The following FNDC3B variants were observed in gnomAD, a reference collection of about 807,000 sequenced individuals.
The protein encoded by FNDC3B is fibronectin type III domain-containing protein 3B.
Under a neutral mutation model 151.5 loss-of-function variants are expected in FNDC3B, and 12 were observed. The observed-to-expected ratio is 0.08, with a 90% CI of 0.05 to 0.13. The LOEUF (loss-of-function observed/expected upper bound fraction) is 0.13. FNDC3B is among the 10% of genes least tolerant of loss of function. The pLI, the probability that FNDC3B is intolerant of heterozygous loss-of-function variation, is 1.00. For synonymous variants in FNDC3B, 528 were observed against 549.0 expected (o/e 0.96, Z 0.54); for missense variants, 1,214 against 1,505.3 (o/e 0.81, Z 3.20).
At chr3:172,157,566 A>G (rs1489982202) in intron 3 of FNDC3B, among the ~76,000 whole-genome samples, 1 of 152,192 alleles carries the variant, frequency 6.6e-6, no homozygotes, top group Non-Finnish European at 1.5e-5. Flanking sequence ...TCTTCCTGCT[A>G]TCCCTAACTC....
chr3:172,167,360 C>T (rs551425882), intron 3 of FNDC3B, among the ~76,000 whole-genome samples: 2 of 152,306 alleles, frequency 1.3e-5, no homozygotes, highest in Admixed American at 6.5e-5. Context: ...GGCACCACTG[C>T]GCTCCAGCCT....
At chr3:172,226,234 G>A (rs1460237206) in intron 3 of FNDC3B, among the ~76,000 whole-genome samples, 1 of 151,092 alleles carries the variant, frequency 6.6e-6, no homozygotes, top group Non-Finnish European at 1.5e-5. Context: ...GAACCTGGGA[G>A]GCAGAGGTTG....
chr3:172,332,410 T>C (rs1455479604), intron 13 of FNDC3B, among the ~76,000 whole-genome samples: 1 of 152,258 alleles, frequency 6.6e-6, no homozygotes. Context: ...GTCATAGCAC[T>C]TAACACCATG....
At chr3:172,129,597 T>C (rs1484644888) in intron 2 of FNDC3B, among the ~76,000 whole-genome samples, 1 of 152,238 alleles carries the variant, frequency 6.6e-6, no homozygotes, top group African/African-American at 2.4e-5. Flanking sequence ...TTTTATTGTT[T>C]CTCTGGACTT....
intron 2 of FNDC3B, among the ~76,000 whole-genome samples, chr3:172,125,785 C>T (rs1486174533): frequency 6.6e-6 from 1 of 152,144 alleles, no homozygotes; most frequent in African/African-American, 2.4e-5. Flanking sequence ...TCTACTTTTC[C>T]TGTTTTCTAA....
intron 6 of FNDC3B, among the ~76,000 whole-genome samples, chr3:172,280,870 CTATG>C (rs1729670681): frequency 6.6e-6 from 1 of 152,098 alleles, no homozygotes; most frequent in African/African-American, 2.4e-5. Context: ...CATCTTCCCT[CTATG>C]TGTGTGGGTT....
chr3:172,066,059 T>C (rs769309815), intron 1 of FNDC3B, among the ~76,000 whole-genome samples: 2 of 152,234 alleles, frequency 1.3e-5, no homozygotes, highest in East Asian at 1.9e-4. Context: ...AAGACCATTG[T>C]AGCTGATGTA....
intron 25 of FNDC3B, among the ~76,000 whole-genome samples, chr3:172,392,017 T>C (rs1279751161): frequency 6.6e-6 from 1 of 152,162 alleles, no homozygotes; most frequent in African/African-American, 2.4e-5. Flanking sequence ...TCCTGAGACC[T>C]CCCACATGTT....
At chr3:172,344,839 T>C (rs1733526545) in intron 19 of FNDC3B, among the ~76,000 whole-genome samples, 1 of 152,224 alleles carries the variant, frequency 6.6e-6, no homozygotes, top group East Asian at 1.9e-4. Flanking sequence ...TTTTTTTCTT[T>C]GAAATTGCCA....
intron 25 of FNDC3B, among the ~76,000 whole-genome samples, chr3:172,385,072 CT>C (rs765315369): frequency 3.8e-4 from 55 of 145,366 alleles, no homozygotes; most frequent in Admixed American, 6.8e-4. Flanking sequence ...GTACTGGTTT[CT>C]TTTTTTTTTT....
intron 1 of FNDC3B, among the ~76,000 whole-genome samples, chr3:172,090,805 G>T (rs1718785593): frequency 6.6e-6 from 1 of 152,090 alleles, no homozygotes; most frequent in South Asian, 2.1e-4. Context: ...TTGTGTGACT[G>T]GTTGCAGCCA....
intron 11 of FNDC3B, chr3:172,321,461 G>A (rs1732075559): frequency 6.6e-6 from 1 of 152,444 alleles, no homozygotes; most frequent in Non-Finnish European, 1.5e-5. Flanking sequence ...GGATGGCTTT[G>A]AAAGAAAAGG....
chr3:172,074,508 T>C (rs1717917025), intron 1 of FNDC3B, among the ~76,000 whole-genome samples: 1 of 152,246 alleles, frequency 6.6e-6, no homozygotes, highest in African/African-American at 2.4e-5. Context: ...TTCGTGCTTT[T>C]GCATGTCAGC....
chr3:172,092,265 G>A (rs1020328520), intron 1 of FNDC3B, among the ~76,000 whole-genome samples: 4 of 152,130 alleles, frequency 2.6e-5, no homozygotes, highest in Non-Finnish European at 4.4e-5. Context: ...CAAGCTAAAC[G>A]ATTGACTTTT....
chr3:172,140,072 A>G (rs921349857), intron 3 of FNDC3B, among the ~76,000 whole-genome samples: 3 of 152,188 alleles, frequency 2.0e-5, no homozygotes, highest in Non-Finnish European at 2.9e-5. Context: ...TGAAAATAGC[A>G]AGTCATTTGC....
chr3:172,263,511 G>T (rs1056577487), intron 6 of FNDC3B, among the ~76,000 whole-genome samples: 3 of 149,926 alleles, frequency 2.0e-5, no homozygotes, highest in Middle Eastern at 3.4e-3. Flanking sequence ...AGCATCTCTT[G>T]AAAGCTTTGT....
intron 1 of FNDC3B, among the ~76,000 whole-genome samples, chr3:172,073,838 C>T (rs1717890212): frequency 6.6e-6 from 1 of 151,806 alleles, no homozygotes. Flanking sequence ...AGTTTACTAC[C>T]TGACCTTGTT....
intron 1 of FNDC3B, among the ~76,000 whole-genome samples, chr3:172,086,025 A>G: frequency 6.6e-6 from 1 of 152,218 alleles, no homozygotes; most frequent in South Asian, 2.1e-4. Flanking sequence ...TATTTCATCC[A>G]GGAGAAATGA....
chr3:172,192,608 A>G (rs1408326489), intron 3 of FNDC3B, among the ~76,000 whole-genome samples: 1 of 152,174 alleles, frequency 6.6e-6, no homozygotes, highest in Non-Finnish European at 1.5e-5. Context: ...GAACTGTTTT[A>G]TAAGTACTAA....
Sources: allele counts gnomAD v4.1 joint callset (sites outside exome capture counted in the v4.1 genomes callset), GRCh38; gene constraint gnomAD v4.1.1; transcripts MANE v1.5; gene names NCBI Gene and HGNC (gene_info 2026-07-23, HGNC 2026-07-21).